ARHGAP24: variants seen among roughly 807,000 people sequenced by gnomAD.
ARHGAP24 encodes the protein rho GTPase-activating protein 24.
ARHGAP24 carries 50 observed loss-of-function variants against 76.4 expected under a neutral mutation model. The ratio of observed to expected loss-of-function variants is 0.65; its 90% confidence interval spans 0.52 to 0.83. The LOEUF (loss-of-function observed/expected upper bound fraction) is 0.83, where lower values mean the gene tolerates loss of function less well. ARHGAP24 is among the 40% of genes least tolerant of loss of function. ARHGAP24 has a pLI of 0.00. For synonymous variants in ARHGAP24, 345 were observed against 323.3 expected (o/e 1.07, Z -0.72); for missense variants, 930 against 914.2 (o/e 1.02, Z -0.22).
chr4:85,876,032 T>C (rs1732915814), intron 3 of ARHGAP24, among the ~76,000 whole-genome samples: 1 of 152,098 alleles, frequency 6.6e-6, no homozygotes, highest in Non-Finnish European at 1.5e-5. Flanking sequence ...CTTGAGCCAC[T>C]GCACTCAGCT....
chr4:85,588,709 T>C (rs993811792), intron 2 of ARHGAP24, among the ~76,000 whole-genome samples: 2 of 152,244 alleles, frequency 1.3e-5, no homozygotes, highest in Non-Finnish European at 2.9e-5. Context: ...CTTTTCTTTC[T>C]GAGATAGTTT....
chr4:85,607,868 A>T (rs1007135544), intron 2 of ARHGAP24, among the ~76,000 whole-genome samples: 1 of 151,290 alleles, frequency 6.6e-6, no homozygotes, highest in East Asian at 1.9e-4. Context: ...ATGGGGCTCA[A>T]GTGAGACAGA....
intron 3 of ARHGAP24, among the ~76,000 whole-genome samples, chr4:85,761,535 G>T (rs12507198): frequency 0.18 from 27,523 of 152,110 alleles, 3,180 homozygotes; most frequent in East Asian, 0.54. Context: ...AGTGAAAGTG[G>T]TTAAAGGGAA....
intron 2 of ARHGAP24, among the ~76,000 whole-genome samples, chr4:85,661,519 T>A (rs1352661286): frequency 6.7e-6 from 1 of 150,110 alleles, no homozygotes; most frequent in Non-Finnish European, 1.5e-5. Flanking sequence ...TCTGCCTAAC[T>A]TTTTTTTTTA....
chr4:85,839,359 C>T (rs1218171659), intron 3 of ARHGAP24, among the ~76,000 whole-genome samples: 1 of 152,216 alleles, frequency 6.6e-6, no homozygotes, highest in Non-Finnish European at 1.5e-5. Flanking sequence ...ATCATCCAAA[C>T]TTGAATTCTT....
At chr4:85,830,480 G>A (rs1225696793) in intron 3 of ARHGAP24, among the ~76,000 whole-genome samples, 3 of 152,042 alleles carry the variant, frequency 2.0e-5, no homozygotes, top group Non-Finnish European at 2.9e-5. Flanking sequence ...TATACATACC[G>A]ACATAGTTAC....
intron 2 of ARHGAP24, among the ~76,000 whole-genome samples, chr4:85,605,748 A>T (rs1005128264): frequency 6.6e-6 from 1 of 152,184 alleles, no homozygotes; most frequent in Non-Finnish European, 1.5e-5. Context: ...TTTCTGTTCA[A>T]TGTGATTACA....
At chr4:85,980,385 T>C (rs1023492995) in intron 8 of ARHGAP24, among the ~76,000 whole-genome samples, 6 of 152,220 alleles carry the variant, frequency 3.9e-5, no homozygotes, top group African/African-American at 1.4e-4. Context: ...TTATTCCCTT[T>C]CTTCCAAGGA....
intron 2 of ARHGAP24, among the ~76,000 whole-genome samples, chr4:85,631,490 A>G (rs891591469): frequency 6.6e-6 from 1 of 152,068 alleles, no homozygotes; most frequent in Non-Finnish European, 1.5e-5. Flanking sequence ...GTAACTTCAC[A>G]TTTTAAAACT....
intron 3 of ARHGAP24, among the ~76,000 whole-genome samples, chr4:85,730,309 A>G (rs1005498922): frequency 6.6e-6 from 1 of 152,212 alleles, no homozygotes; most frequent in Non-Finnish European, 1.5e-5. Context: ...AAATTCAGGG[A>G]GTTATTTACA....
chr4:85,577,445 G>A (rs1296366716), intron 2 of ARHGAP24, among the ~76,000 whole-genome samples: 2 of 152,054 alleles, frequency 1.3e-5, no homozygotes, highest in African/African-American at 2.4e-5. Context: ...GGATCAGATG[G>A]ACCAGACATG....
intron 2 of ARHGAP24, among the ~76,000 whole-genome samples, chr4:85,601,293 AT>A (rs1285045229): frequency 6.6e-6 from 1 of 152,224 alleles, no homozygotes; most frequent in East Asian, 1.9e-4. Flanking sequence ...AAATAAGTAA[AT>A]GAATGAATGA....
intron 3 of ARHGAP24, among the ~76,000 whole-genome samples, chr4:85,825,112 CA>C (rs201595083): frequency 1.3e-5 from 2 of 149,076 alleles, no homozygotes; most frequent in African/African-American, 2.5e-5. Context: ...CGAAACAAAA[CA>C]AAAAAAAAGA....
At chr4:85,772,934 G>A (rs1447733424) in intron 3 of ARHGAP24, among the ~76,000 whole-genome samples, 1 of 152,138 alleles carries the variant, frequency 6.6e-6, no homozygotes. Flanking sequence ...TAAAGTATAT[G>A]CGCCTCATAG....
At chr4:85,660,241 G>T (rs1210394102) in intron 2 of ARHGAP24, among the ~76,000 whole-genome samples, 1 of 152,150 alleles carries the variant, frequency 6.6e-6, no homozygotes, top group African/African-American at 2.4e-5. Flanking sequence ...GTGAAGCAAG[G>T]AAAATGTACT....
intron 1 of ARHGAP24, among the ~76,000 whole-genome samples, chr4:85,507,303 C>A (rs1343024629): frequency 2.0e-5 from 3 of 152,106 alleles, no homozygotes; most frequent in African/African-American, 7.2e-5. Flanking sequence ...CTCACTGTAG[C>A]CTTAACATAC....
At chr4:85,842,430 T>C (rs956200493) in intron 3 of ARHGAP24, among the ~76,000 whole-genome samples, 14 of 152,206 alleles carry the variant, frequency 9.2e-5, no homozygotes, top group Admixed American at 8.5e-4. Context: ...TGTATCATAG[T>C]ACTGTGGTCA....
At chr4:85,763,023 A>G (rs1422883769) in intron 3 of ARHGAP24, among the ~76,000 whole-genome samples, 1 of 152,200 alleles carries the variant, frequency 6.6e-6, no homozygotes, top group African/African-American at 2.4e-5. Flanking sequence ...CTAAAATGAA[A>G]CATTTTTAAA....
chr4:85,786,657 C>CAA, intron 3 of ARHGAP24, among the ~76,000 whole-genome samples: 4 of 152,214 alleles, frequency 2.6e-5, no homozygotes, highest in Middle Eastern at 6.8e-3. Context: ...TGAACACACA[C>CAA]ACACAGAGAT....
Sources: allele counts gnomAD v4.1 joint callset (sites outside exome capture counted in the v4.1 genomes callset), GRCh38; gene constraint gnomAD v4.1.1; transcripts MANE v1.5; gene names NCBI Gene and HGNC (gene_info 2026-07-23, HGNC 2026-07-21).